Variants in DLAT observed in about 807,000 individuals in gnomAD.
DLAT encodes the protein dihydrolipoyllysine-residue acetyltransferase component of pyruvate dehydrogenase complex, mitochondrial.
In DLAT, 43 loss-of-function variants were observed where a neutral mutation model predicts 68.0. That is an observed-to-expected ratio of 0.63 (90% CI 0.50 to 0.81). The LOEUF is 0.81. Among genes scored for constraint, DLAT ranks in the 40% least tolerant of loss-of-function variants. The probability of loss-of-function intolerance (pLI) is 0.00; values close to 1 mark genes in which losing one functional copy is unlikely to be tolerated. For synonymous variants in DLAT, 265 were observed against 288.6 expected, an observed-to-expected ratio of 0.92 and a Z score of 0.83; for missense variants, 745 against 815.4, an observed-to-expected ratio of 0.91 and a Z score of 1.05.
chr11:112,062,648 T>C lies in DLAT; in HGVS notation c.*113T>C, dbSNP rs1555183423. Reference sequence around the variant, plus strand: ...TATTTTAACCAGTTATTTTTATTATTGAGTCTGTCCAGATAAGTTATTTAT... The same window carrying C: ...TATTTTAACCAGTTATTTTTATTATCGAGTCTGTCCAGATAAGTTATTTAT... On this transcript the variant is annotated 3_prime_UTR_variant, in exon 14 of 14. Transcript: ENST00000280346. The C allele has an allele frequency of 2.4e-6, 3 of 1,269,466 alleles. No individual in the cohort carries two copies. The Admixed American group carries it at 6.0e-5, about 25-fold the overall frequency. 78.6% of individuals were successfully genotyped at this position (1,269,466 alleles called of 1,614,324 possible). A position where few individuals can be genotyped will look rare whatever the true frequency, so the allele number is the denominator to read the frequency against.
chr11:112,034,678 G>A (rs1169508732), intron 5 of DLAT, among the ~76,000 whole-genome samples: 2 of 151,752 alleles, frequency 1.3e-5, no homozygotes, highest in African/African-American at 4.8e-5. Context: ...TCCTGACCTC[G>A]TGATCCACCT....
chr11:112,061,295 C>T (rs1864606008), intron 13 of DLAT, 121 bp downstream of exon 13: 1 of 992,548 alleles, frequency 1.0e-6, no homozygotes, highest in Admixed American at 1.8e-5. Context: ...CCACAATGCT[C>T]AAGTCCCTGA....
rs370758450 is a variant in DLAT at position 112,045,183 on chromosome 11, G to T, written c.1243G>T (p.Val415Phe). The T allele has an allele frequency of 1.2e-6, 2 of 1,614,018 alleles. No homozygotes were observed. The highest frequency in any genetic ancestry group is 8.5e-7 in the Non-Finnish European group (1 of 1,180,032). Residue 415 changes from valine (V) to phenylalanine (F), a missense_variant, in exon 9 of 14, where the codon GTT (valine) becomes TTT (phenylalanine). By Grantham distance (50) the Val-to-Phe change is conservative (BLOSUM62 -1). Coordinates refer to ENST00000280346, the MANE Select transcript of DLAT (RefSeq NM_001931.5). ...VPPTGPGMAP[V>F]PTGVFTDIPI... is the part of the protein sequence containing the mutation. ...TCCCACAGGTCCTGGAATGGCACCAGTTCCTACAGGTGTCTTCACAGATAT... is the reference window on the plus strand; with the variant it reads ...TCCCACAGGTCCTGGAATGGCACCATTTCCTACAGGTGTCTTCACAGATAT...
In DLAT at chr11:112,051,241, A is replaced by G. The variant is rs376141049; in HGVS notation, c.1406A>G (p.Glu469Gly). 2.0e-4 allele frequency: 329 copies of G among 1,609,014 alleles called. No individual in the cohort carries two copies. The highest frequency in any genetic ancestry group is 2.5e-4 in the Non-Finnish European group (297 of 1,177,570). ...TTCTTCTTGTCTTTCCAGATATTAG[A>G]AGGGAGAAGCAAAATTTCTGTCAAT... ...LVRKELNKIL[E>G]GRSKISVNDF... The change falls in exon 11 of 14, where the codon GAA becomes GGA. Residue 469 changes from glutamate to glycine, a missense_variant. By Grantham distance (98) the Glu-to-Gly change is moderately conservative (BLOSUM62 -2). Coordinates refer to ENST00000280346, the MANE Select transcript of DLAT (RefSeq NM_001931.5). This position sits in a 1 kb window ranked among gnomAD's most constrained non-coding sequence, Gnocchi z 4.3.
Position 112,032,265 on chromosome 11 carries a change from C to CA in DLAT, c.661-1125dup, listed in dbSNP as rs879992422. On this transcript the variant is annotated intron_variant, in intron 4 of 13. Transcript: ENST00000280346. ...TGGGCAACAGAGTAAGACTCCATCT[C>CA]AAAAAAAAAAAAAATTATCAAATAA... 4.6e-3 allele frequency among the ~76,000 whole-genome samples: 577 copies of CA among 125,994 alleles called. 2 individuals carry two copies. Among genetic ancestry groups the CA allele is most frequent in the African/African-American group, 0.013 (441 of 33,976 alleles). 82.7% of individuals were successfully genotyped at this position (125,994 alleles called of 152,430 possible).
At chr11:112,059,875 TA>T (rs1168526361) in intron 11 of DLAT, 27 bp from the exon 12 acceptor site, 70 of 1,536,494 alleles carry the variant, frequency 4.6e-5, no homozygotes, top group Non-Finnish European at 5.5e-5. Context: ...AACAGTTTTT[TA>T]TTATATTTAT....
intron 10 of DLAT, among the ~76,000 whole-genome samples, chr11:112,049,700 T>C (rs1555181807): frequency 6.6e-6 from 1 of 152,076 alleles, no homozygotes; most frequent in Non-Finnish European, 1.5e-5. Flanking sequence ...ATATTGATCT[T>C]TTTTTTCATA....
chr11:112,060,474 AAC>A (rs1864513525), intron 12 of DLAT, among the ~76,000 whole-genome samples: 1 of 149,536 alleles, frequency 6.7e-6, no homozygotes, highest in African/African-American at 2.5e-5. Flanking sequence ...TCTTTTTTGA[AAC>A]AGAGTCTCAC....
At chr11:112,032,084 G>T (rs587634949) in intron 4 of DLAT, among the ~76,000 whole-genome samples, 1 of 151,548 alleles carries the variant, frequency 6.6e-6, no homozygotes, top group Admixed American at 6.6e-5. Flanking sequence ...GTTTCGACAT[G>T]ATGGCCCGGC....
At chr11:112,044,775 G>A (rs1411189812) in intron 8 of DLAT, among the ~76,000 whole-genome samples, 1 of 152,140 alleles carries the variant, frequency 6.6e-6, no homozygotes, top group East Asian at 1.9e-4. Context: ...GCTCATGCTT[G>A]TAACCCCAGC....
At chr11:112,059,838 C>A in intron 11 of DLAT, 65 bp from the exon 12 acceptor site, 1 of 1,383,264 alleles carries the variant, frequency 7.2e-7, no homozygotes, top group Middle Eastern at 2.5e-4. Context: ...AATATTCTTG[C>A]TTAACCTGGC....
At position 112,062,842 on chromosome 11, in the gene DLAT, A is replaced by C; in HGVS notation, c.*307A>C. 1 of 348,720 alleles carries C rather than the reference A, an allele frequency of 2.9e-6. No homozygotes were observed. Among genetic ancestry groups the C allele is most frequent in the East Asian group, 6.9e-5 (1 of 14,496 alleles). 21.6% of individuals were successfully genotyped at this position (348,720 alleles called of 1,614,324 possible). A position where few individuals can be genotyped will look rare whatever the true frequency, so the allele number is the denominator to read the frequency against. On this transcript the variant is annotated 3_prime_UTR_variant, in exon 14 of 14. Coordinates refer to ENST00000280346, the MANE Select transcript of DLAT (RefSeq NM_001931.5). ...CCTCTAGGAAATGTACGATAGGTAG[A>C]ATTGTGGTTCCCTAAAGACAAGTAC...
intron 4 of DLAT, among the ~76,000 whole-genome samples, chr11:112,031,338 G>A (rs1214276299): frequency 6.6e-6 from 1 of 152,164 alleles, no homozygotes; most frequent in Non-Finnish European, 1.5e-5. Flanking sequence ...ATTTAGATAG[G>A]CATTCTGATG....
chr11:112,060,120 C>T, intron 12 of DLAT, 55 bp downstream of exon 12: 2 of 1,292,354 alleles, frequency 1.5e-6, no homozygotes, highest in Non-Finnish European at 1.1e-6. Context: ...TTGCATAATG[C>T]ATTTATTGCA....
At chr11:112,046,813 G>A (rs1393220858) in intron 10 of DLAT, among the ~76,000 whole-genome samples, 1 of 151,914 alleles carries the variant, frequency 6.6e-6, no homozygotes, top group Non-Finnish European at 1.5e-5. Flanking sequence ...TTTTTTTATG[G>A]CTGCATAGTA....
Position 112,025,639 on chromosome 11 carries a change from G to C in DLAT, c.167G>C (p.Arg56Pro), listed in dbSNP as rs782260343. The C allele has an allele frequency of 6.8e-6, 11 of 1,613,332 alleles. No individual in the cohort carries two copies. Among genetic ancestry groups the C allele is most frequent in the Non-Finnish European group, 8.5e-6 (10 of 1,179,982 alleles). The stretch of plus-strand genomic sequence containing the variant: ...GTGACTACAGGGTATGGCGGGGTCC[G>C]GGCACTGTGCGGCTGGACCCCCAGT... ...NSVTTGYGGVRALCGWTPSSG... is the reference protein window; with the variant it reads ...NSVTTGYGGVPALCGWTPSSG... The change falls in exon 1 of 14, where the codon CGG (arginine) becomes CCG (proline). Residue 56 changes from arginine (R) to proline (P), a missense_variant. Transcript: ENST00000280346.
intron 7 of DLAT, among the ~76,000 whole-genome samples, chr11:112,042,051 A>G (rs1443188835): frequency 1.3e-5 from 2 of 152,198 alleles, no homozygotes; most frequent in African/African-American, 4.8e-5. Flanking sequence ...AATTTAAGCA[A>G]AGAAGTGAAA....
At chr11:112,034,445 T>A (rs1446689445) in intron 5 of DLAT, among the ~76,000 whole-genome samples, 2 of 150,832 alleles carry the variant, frequency 1.3e-5, no homozygotes, top group South Asian at 2.1e-4. Context: ...TTATTATTAT[T>A]ATTTTTTTTT....
At chr11:112,036,963 C>A (rs1310631438) in intron 5 of DLAT, 7 of 344,368 alleles carry the variant, frequency 2.0e-5, no homozygotes, top group Non-Finnish European at 3.2e-5. Flanking sequence ...TGTCTGTAAT[C>A]TTTCATAGTT....
Sources: allele counts gnomAD v4.1 joint callset (sites outside exome capture counted in the v4.1 genomes callset), GRCh38; gene constraint gnomAD v4.1.1; non-coding constraint Gnocchi (gnomAD v3.1); transcripts MANE v1.5; gene names NCBI Gene and HGNC (gene_info 2026-07-23, HGNC 2026-07-21).